Variants in SGK1 observed in about 807,000 individuals in gnomAD.
SGK1 encodes the protein serine/threonine-protein kinase Sgk1.
SGK1 carries 26 observed loss-of-function variants against 64.2 expected under a neutral mutation model. The ratio of observed to expected loss-of-function variants is 0.40; its 90% CI spans 0.30 to 0.56. SGK1 has a LOEUF of 0.56. SGK1 is among the 20% of genes least tolerant of loss of function. The pLI, the probability that SGK1 is intolerant of heterozygous loss-of-function variation, is 0.38. For synonymous variants in SGK1, 265 were observed against 239.7 expected, an observed-to-expected ratio of 1.11 and a Z score of -0.98; for missense variants, 519 against 645.6, an observed-to-expected ratio of 0.80 and a Z score of 2.12.
At chr6:134,194,310 T>A (rs891195750) in intron 3 of SGK1, among the ~76,000 whole-genome samples, 3 of 152,114 alleles carry the variant, frequency 2.0e-5, no homozygotes, top group African/African-American at 4.8e-5. Flanking sequence ...GGATGCCAAC[T>A]GATCAGACGA....
At position 134,191,835 on chromosome 6, in the gene SGK1, A is replaced by ATTTTTTTTT. The variant is rs71003671; in HGVS notation, c.361+15512_361+15520dup. On this transcript the variant is annotated intron_variant, in intron 3 of 13. Coordinates refer to ENST00000367858, the MANE Select transcript of SGK1 (RefSeq NM_001143676.3). ...AGGCATGCGCCACCACGCCCGGCTG[A>ATTTTTTTTT]TTTTTTTTTTTTTTTTTTGAGACAG... Among the ~76,000 whole-genome samples, 97 of 61,200 alleles carry ATTTTTTTTT rather than the reference A, an allele frequency of 1.6e-3. 21 individuals are homozygous for ATTTTTTTTT. Among genetic ancestry groups the ATTTTTTTTT allele is most frequent in the East Asian group, 3.7e-3 (8 of 2,182 alleles). 40.1% of individuals were successfully genotyped at this position (61,200 alleles called of 152,430 possible). A position where few individuals can be genotyped will look rare whatever the true frequency, so the allele number is the denominator to read the frequency against.
At chr6:134,238,962 A>G (rs1437284690) in intron 2 of SGK1, among the ~76,000 whole-genome samples, 2 of 152,234 alleles carry the variant, frequency 1.3e-5, no homozygotes, top group African/African-American at 4.8e-5. Flanking sequence ...TAAATATTCT[A>G]AAATACTTCA....
chr6:134,206,867 C>T (rs1333524250), intron 3 of SGK1, among the ~76,000 whole-genome samples: 1 of 100,322 alleles, frequency 1.0e-5, no homozygotes, highest in African/African-American at 4.1e-5. Flanking sequence ...ACTCCGTCTC[C>T]AGAAAAAAAA....
intron 1 of SGK1, among the ~76,000 whole-genome samples, chr6:134,269,712 C>T (rs1246045710): frequency 6.8e-6 from 1 of 147,318 alleles, no homozygotes; most frequent in Non-Finnish European, 1.5e-5. Flanking sequence ...CTATGCCTCT[C>T]CCAGAGGGTG....
intron 1 of SGK1, among the ~76,000 whole-genome samples, chr6:134,306,509 G>T (rs1777537349): frequency 2.0e-5 from 3 of 152,066 alleles, no homozygotes; most frequent in African/African-American, 7.2e-5. Flanking sequence ...GAGTTGGGGA[G>T]TGAAGGAAGC....
rs1241047871 is a variant in SGK1 at position 134,177,783 on chromosome 6, T to G, written c.362-3197A>C. On this transcript the variant is annotated intron_variant, in intron 3 of 13. Transcript: ENST00000367858. The stretch of plus-strand genomic sequence containing the variant: ...CAGTTATGGCTGGAATAAGCCTCCC[T>G]GCTACATGCCTCTGATAAGCTGGAA... 3 of 1,613,798 alleles carry G rather than the reference T, an allele frequency of 1.9e-6. No individual in the cohort carries two copies. The South Asian group carries it at 3.3e-5, about 18-fold the overall frequency.
At chr6:134,309,513 G>A (rs542145818) in intron 1 of SGK1, among the ~76,000 whole-genome samples, 1 of 152,326 alleles carries the variant, frequency 6.6e-6, no homozygotes, top group African/African-American at 2.4e-5. Flanking sequence ...GACCAGGGTA[G>A]GTCACTGCTG....
At chr6:134,275,655 A>G (rs1290729934) in intron 1 of SGK1, among the ~76,000 whole-genome samples, 1 of 152,170 alleles carries the variant, frequency 6.6e-6, no homozygotes, top group Non-Finnish European at 1.5e-5. Context: ...CAAATTGAAA[A>G]ACGCTCATCT....
At chr6:134,215,832 C>A (rs1031219002) in intron 2 of SGK1, among the ~76,000 whole-genome samples, 2 of 152,024 alleles carry the variant, frequency 1.3e-5, no homozygotes, top group East Asian at 3.9e-4. Context: ...GCCTGACCAA[C>A]ATGGAGAAAC....
intron 2 of SGK1, chr6:134,261,433 GA>G (rs111418467): frequency 0.012 from 2,432 of 205,502 alleles, 18 homozygotes; most frequent in Admixed American, 0.022. Context: ...TGACATTCTG[GA>G]AAAGGCAAAT....
intron 2 of SGK1, among the ~76,000 whole-genome samples, chr6:134,224,040 A>T (rs562937090): frequency 6.6e-6 from 1 of 152,348 alleles, no homozygotes; most frequent in South Asian, 2.1e-4. Flanking sequence ...AGACCTTGCC[A>T]ATATTTTTTT....
chr6:134,176,436 G>A (rs974967921), intron 3 of SGK1, among the ~76,000 whole-genome samples: 2 of 152,218 alleles, frequency 1.3e-5, no homozygotes, highest in African/African-American at 4.8e-5. Flanking sequence ...CAGCGATGCC[G>A]GTGCCTTCCA....
At chr6:134,177,070 C>G (rs1396973987) in intron 3 of SGK1, among the ~76,000 whole-genome samples, 2 of 152,108 alleles carry the variant, frequency 1.3e-5, no homozygotes, top group East Asian at 3.9e-4. Context: ...AAAAATTAGC[C>G]AGGCGTGGTG....
intron 1 of SGK1, among the ~76,000 whole-genome samples, chr6:134,298,911 C>T (rs1225521899): frequency 6.6e-6 from 1 of 151,924 alleles, no homozygotes; most frequent in Admixed American, 6.6e-5. Context: ...TGTGATTCTC[C>T]TGCCTCAGCC....
At chr6:134,285,331 A>C (rs1416478079) in intron 1 of SGK1, among the ~76,000 whole-genome samples, 1 of 152,088 alleles carries the variant, frequency 6.6e-6, no homozygotes, top group African/African-American at 2.4e-5. Flanking sequence ...ACAAAAAATT[A>C]GCCAAGCATG....
chr6:134,178,214 C>G (rs578140172), intron 3 of SGK1, among the ~76,000 whole-genome samples: 29 of 152,306 alleles, frequency 1.9e-4, no homozygotes, highest in African/African-American at 7.0e-4. Flanking sequence ...GTCTGATGTG[C>G]TCCTTCCTCC....
rs1303481743 is a variant in SGK1 at position 134,170,819 on chromosome 6, TACTC to T, written c.1413+3_1413+6del. ...TCTCTATACTTAGAAGAGAGACAGA[TACTC>T]ACCACATTTGGGTTAAAAGGGGGAG... On this transcript the variant is annotated splice_donor_5th_base_variant and intron_variant, in intron 13 of 13. Transcript: ENST00000367858. 3.9e-6 allele frequency: 6 copies of T among 1,550,684 alleles called. No individual in the cohort carries two copies. In the Admixed American group the frequency reaches 5.0e-5, roughly 13 times the overall value.
intron 2 of SGK1, among the ~76,000 whole-genome samples, chr6:134,257,626 A>T (rs2114743274): frequency 6.6e-6 from 1 of 151,974 alleles, no homozygotes; most frequent in East Asian, 1.9e-4. Context: ...CAAGCATAGG[A>T]TCTCAGACGA....
intron 2 of SGK1, among the ~76,000 whole-genome samples, chr6:134,227,778 C>T (rs986225002): frequency 6.6e-6 from 1 of 152,028 alleles, no homozygotes; most frequent in Non-Finnish European, 1.5e-5. Context: ...ACTCCAAATA[C>T]GCACGTACTA....
Sources: allele counts gnomAD v4.1 joint callset (sites outside exome capture counted in the v4.1 genomes callset), GRCh38; gene constraint gnomAD v4.1.1; transcripts MANE v1.5; gene names NCBI Gene and HGNC (gene_info 2026-07-23, HGNC 2026-07-21).